The following LRP1B variants were observed in gnomAD, a reference collection of about 807,000 sequenced individuals.
LRP1B encodes low-density lipoprotein receptor-related protein 1B.
Under a neutral mutation model 556.6 loss-of-function variants are expected in LRP1B, and 217 were observed. The ratio of observed to expected loss-of-function variants is 0.39; its 90% CI spans 0.35 to 0.44. LRP1B has a LOEUF of 0.44. LRP1B is among the 20% of genes least tolerant of loss of function. The probability of loss-of-function intolerance (pLI) is 1.00; values close to 1 mark genes in which losing one functional copy is unlikely to be tolerated. For missense variants in LRP1B, 5,053 were observed against 5,620.8 expected (o/e 0.90, Z 3.23); for synonymous variants, 2,047 against 1,865.8 (o/e 1.10, Z -2.50).
intron 18 of LRP1B, among the ~76,000 whole-genome samples, chr2:140,958,235 A>C (rs1695932518): frequency 6.6e-6 from 1 of 151,622 alleles, no homozygotes; most frequent in Non-Finnish European, 1.5e-5. Context: ...TATTTTTAAA[A>C]AATCTATCTG....
At chr2:140,312,162 A>G (rs1231159106) in intron 83 of LRP1B, among the ~76,000 whole-genome samples, 3 of 151,994 alleles carry the variant, frequency 2.0e-5, no homozygotes, top group Non-Finnish European at 4.4e-5. Flanking sequence ...ATTCACTTAA[A>G]ATATTCAATT....
intron 20 of LRP1B, among the ~76,000 whole-genome samples, chr2:140,928,612 C>G (rs1020644881): frequency 6.6e-6 from 1 of 152,072 alleles, no homozygotes; most frequent in Admixed American, 6.6e-5. Flanking sequence ...CTTATTGGTC[C>G]CAGTCAACCA....
In LRP1B at chr2:140,335,599, T is replaced by C. The variant is rs775709612; in HGVS notation, c.12116+16A>G. On this transcript the variant is annotated intron_variant, in intron 78 of 90. Coordinates refer to ENST00000389484, the MANE Select transcript of LRP1B (RefSeq NM_018557.3). ...ATTCATTATCAAGAAATAGAAATACTAAGCCATTAACCTACCCTCTTTTAG... is the reference window on the plus strand; with the variant it reads ...ATTCATTATCAAGAAATAGAAATACCAAGCCATTAACCTACCCTCTTTTAG... 4.3e-6 allele frequency: 6 copies of C among 1,400,502 alleles called. No individual in the cohort carries two copies. The South Asian group carries it at 6.9e-5, about 16-fold the overall frequency. 86.8% of individuals were successfully genotyped at this position (1,400,502 alleles called of 1,614,324 possible).
At chr2:141,326,268 G>C (rs1046757820) in intron 3 of LRP1B, among the ~76,000 whole-genome samples, 1 of 152,026 alleles carries the variant, frequency 6.6e-6, no homozygotes, top group African/African-American at 2.4e-5. Context: ...TTTGATAAAA[G>C]TATTTTCAGA....
At chr2:141,172,516 GA>G (rs1393309146) in intron 7 of LRP1B, among the ~76,000 whole-genome samples, 1 of 151,814 alleles carries the variant, frequency 6.6e-6, no homozygotes, top group Non-Finnish European at 1.5e-5. Context: ...TTTCATTTGG[GA>G]AAAAAGAGAA....
At position 140,457,367 on chromosome 2, in the gene LRP1B, C is replaced by T. The variant is rs1454711142; in HGVS notation, c.9814+96G>A. ...AATAATTAAATCTAGTAATCTTCAT[C>T]AAAAATAAAATTACATTTAACCTTG... On this transcript the variant is annotated intron_variant, in intron 61 of 90. Coordinates refer to ENST00000389484, the MANE Select transcript of LRP1B (RefSeq NM_018557.3). The T allele has an allele frequency of 2.7e-5, 27 of 1,010,688 alleles. No homozygotes were observed. In the East Asian group the frequency reaches 6.3e-4, roughly 24 times the overall value. 62.6% of individuals were successfully genotyped at this position (1,010,688 alleles called of 1,614,324 possible).
rs573670647 is a variant in LRP1B at position 141,395,295 on chromosome 2, A to AT, written c.343+85100dup. 2.6e-5 allele frequency among the ~76,000 whole-genome samples: 4 copies of AT among 152,106 alleles called. No individual in the cohort carries two copies. The East Asian group carries it at 7.7e-4, about 29-fold the overall frequency. On this transcript the variant is annotated intron_variant, in intron 3 of 90. Coordinates refer to ENST00000389484, the MANE Select transcript of LRP1B (RefSeq NM_018557.3). The stretch of plus-strand genomic sequence containing the variant: ...GATAAATGCCCTATACAGGTATACC[A>AT]TTTTTTTATCTGTTATACTATAATT...
At chr2:140,784,729 T>TA (rs57607357) in intron 32 of LRP1B, among the ~76,000 whole-genome samples, 31 of 150,762 alleles carry the variant, frequency 2.1e-4, no homozygotes, top group African/African-American at 7.3e-4. Context: ...GAAGAAAAGG[T>TA]AAAAAAAAAA....
chr2:141,818,457 T>C (rs1558896712), intron 1 of LRP1B, among the ~76,000 whole-genome samples: 1 of 152,036 alleles, frequency 6.6e-6, no homozygotes, highest in African/African-American at 2.4e-5. Flanking sequence ...CTACTGTCAT[T>C]TTACCAATTC....
chr2:141,826,891 A>T (rs1696946549), intron 1 of LRP1B, among the ~76,000 whole-genome samples: 1 of 152,174 alleles, frequency 6.6e-6, no homozygotes, highest in Non-Finnish European at 1.5e-5. Context: ...TTATTTTTTA[A>T]AATCTTTATC....
At chr2:141,112,418 GC>G (rs1197557929) in intron 7 of LRP1B, among the ~76,000 whole-genome samples, 4 of 151,944 alleles carry the variant, frequency 2.6e-5, no homozygotes, top group Non-Finnish European at 5.9e-5. Flanking sequence ...ATTTAAAATG[GC>G]CCCCAAGTGT....
At chr2:140,265,961 A>T (rs1465677586) in intron 86 of LRP1B, among the ~76,000 whole-genome samples, 1 of 151,998 alleles carries the variant, frequency 6.6e-6, no homozygotes, top group East Asian at 1.9e-4. Context: ...TAAAACAAGC[A>T]TAATCTTACA....
At position 141,140,087 on chromosome 2, in the gene LRP1B, G is replaced by A. The variant is rs372736457; in HGVS notation, c.1013+48334C>T. Among the ~76,000 whole-genome samples the A allele has an allele frequency of 1.1e-4, 16 of 152,106 alleles. No individual in the cohort carries two copies. The East Asian group carries it at 1.7e-3, about 17-fold the overall frequency. ...CTATGCTGGGTGAAAGAAGCCAGGCGAAAGAGTGTGTGCTGTATAATTCCA... is the reference window on the plus strand; with the variant it reads ...CTATGCTGGGTGAAAGAAGCCAGGCAAAAGAGTGTGTGCTGTATAATTCCA... On this transcript the variant is annotated intron_variant, in intron 7 of 90. Coordinates refer to ENST00000389484, the MANE Select transcript of LRP1B (RefSeq NM_018557.3).
rs1334896367 is a variant in LRP1B, at chr2:141,365,655, C to CTTTTTTTTTTTTTTTGGTT, written c.344-111015_344-111014insAACCAAAAAAAAAAAAAAA. ...TTTTTGTTTTGGTTTGTTTTTGTTG[C>CTTTTTTTTTTTTTTTGGTT]TTTTTTTTTTTTTTTGAGACAGAGT... On this transcript the variant is annotated intron_variant, in intron 3 of 90. Transcript: ENST00000389484. Among the ~76,000 whole-genome samples, 44 of 121,136 alleles carry CTTTTTTTTTTTTTTTGGTT rather than the reference C, an allele frequency of 3.6e-4. 1 individual carries two copies. The highest frequency in any genetic ancestry group is 4.5e-3 in the Middle Eastern group (1 of 220). 79.5% of individuals were successfully genotyped at this position (121,136 alleles called of 152,430 possible). A position where few individuals can be genotyped will look rare whatever the true frequency, so the allele number is the denominator to read the frequency against.
At chr2:141,822,493 G>A (rs1696787839) in intron 1 of LRP1B, among the ~76,000 whole-genome samples, 3 of 151,974 alleles carry the variant, frequency 2.0e-5, no homozygotes, top group African/African-American at 7.2e-5. Context: ...AATCCTACAC[G>A]ATCCTTCTCC....
At chr2:140,879,929 G>A (rs371267846) in intron 25 of LRP1B, among the ~76,000 whole-genome samples, 2 of 148,686 alleles carry the variant, frequency 1.3e-5, no homozygotes, top group African/African-American at 4.9e-5. Flanking sequence ...GCAGCAGAAG[G>A]TAAAAATAAA....
chr2:141,468,431 A>G (rs1180630734), intron 3 of LRP1B, among the ~76,000 whole-genome samples: 1 of 152,214 alleles, frequency 6.6e-6, no homozygotes, highest in Non-Finnish European at 1.5e-5. Context: ...GACACAGGCT[A>G]GGAAAATTTG....
At chr2:140,760,573 ATTG>A (rs968288741) in intron 35 of LRP1B, among the ~76,000 whole-genome samples, 4 of 152,160 alleles carry the variant, frequency 2.6e-5, no homozygotes, top group African/African-American at 9.7e-5. Flanking sequence ...ATGTTTTAAA[ATTG>A]TTGTTGTTGC....
rs760723710 is a variant in LRP1B at position 140,540,963 on chromosome 2, C to G, written c.7513+10G>C. On this transcript the variant is annotated intron_variant, in intron 45 of 90. Transcript: ENST00000389484. ...ATTTGTCATATTACATTTCAATTCC[C>G]TTTACTTACTCACACATCTGTTGTC... 6.2e-7 allele frequency: 1 copy of G among 1,603,166 alleles called. No homozygotes were observed. Among genetic ancestry groups the G allele is most frequent in the South Asian group, 1.1e-5 (1 of 89,288 alleles).
Sources: allele counts gnomAD v4.1 joint callset (sites outside exome capture counted in the v4.1 genomes callset), GRCh38; gene constraint gnomAD v4.1.1; transcripts MANE v1.5; gene names NCBI Gene and HGNC (gene_info 2026-07-23, HGNC 2026-07-21).